Variants in NAA25 observed in about 807,000 individuals in gnomAD.
NAA25 encodes the protein N-terminal acetyltransferase B complex subunit NAA25.
A neutral mutation model predicts 132.5 loss-of-function variants in NAA25; 30 were observed. That is an observed-to-expected ratio of 0.23 (90% CI 0.17 to 0.31). NAA25 has a LOEUF of 0.31. Among genes scored for constraint, NAA25 ranks in the 10% least tolerant of loss-of-function variants. The probability of loss-of-function intolerance (pLI) is 1.00; values close to 1 mark genes in which losing one functional copy is unlikely to be tolerated. For synonymous variants in NAA25, 359 were observed against 401.9 expected, an observed-to-expected ratio of 0.89 and a Z score of 1.28; for missense variants, 771 against 1,150.4, an observed-to-expected ratio of 0.67 and a Z score of 4.77.
intron 3 of NAA25, among the ~76,000 whole-genome samples, chr12:112,089,981 A>G (rs1005114145): frequency 2.2e-4 from 32 of 147,522 alleles, no homozygotes; most frequent in African/African-American, 7.7e-4. Flanking sequence ...ACAGGCGTGC[A>G]CCACCACACC....
At chr12:112,055,298 G>T (rs2078529582) in intron 13 of NAA25, among the ~76,000 whole-genome samples, 1 of 152,130 alleles carries the variant, frequency 6.6e-6, no homozygotes, top group Non-Finnish European at 1.5e-5. Flanking sequence ...AGGAAAATGT[G>T]CAATAATGTT....
chr12:112,070,841 G>C (rs562425497), intron 10 of NAA25, among the ~76,000 whole-genome samples: 1 of 152,318 alleles, frequency 6.6e-6, no homozygotes, highest in South Asian at 2.1e-4. Flanking sequence ...GTACCTCCCA[G>C]GTTCAAGCAA....
At chr12:112,086,778 G>A (rs550528788) in intron 4 of NAA25, among the ~76,000 whole-genome samples, 12 of 152,060 alleles carry the variant, frequency 7.9e-5, no homozygotes, top group Middle Eastern at 3.4e-3. Flanking sequence ...TTGAGAGGCC[G>A]AGGCGGGCAG....
intron 16 of NAA25, 32 bp from the exon 17 acceptor site, chr12:112,047,822 A>C: frequency 6.4e-7 from 1 of 1,562,844 alleles, no homozygotes; most frequent in Non-Finnish European, 8.7e-7. Flanking sequence ...ATATTATTTT[A>C]ATAGTAAAAT....
At chr12:112,045,233 T>C (rs1296184528) in intron 17 of NAA25, among the ~76,000 whole-genome samples, 1 of 152,156 alleles carries the variant, frequency 6.6e-6, no homozygotes, top group Non-Finnish European at 1.5e-5. Context: ...GGCTAACGCC[T>C]GTAATCCCAG....
chr12:112,053,785 C>A, intron 14 of NAA25, 128 bp from the exon 15 acceptor site: 6 of 423,258 alleles, frequency 1.4e-5, no homozygotes, highest in East Asian at 3.8e-5. Context: ...CTAAAACATA[C>A]TCCCACAGAA....
intron 23 of NAA25, among the ~76,000 whole-genome samples, chr12:112,032,245 C>T (rs1389187540): frequency 6.6e-6 from 1 of 152,130 alleles, no homozygotes; most frequent in Non-Finnish European, 1.5e-5. Flanking sequence ...GGATTACAGG[C>T]GTGAGCCACT....
chr12:112,075,957 A>G (rs190601740), intron 7 of NAA25, among the ~76,000 whole-genome samples, 168 bp from the exon 8 acceptor site: 1 of 152,188 alleles, frequency 6.6e-6, no homozygotes, highest in African/African-American at 2.4e-5. Context: ...ATCTTGGCTC[A>G]CTGCAACCTC....
intron 22 of NAA25, among the ~76,000 whole-genome samples, chr12:112,037,115 G>A (rs1443831375): frequency 6.6e-6 from 1 of 151,678 alleles, no homozygotes; most frequent in African/African-American, 2.4e-5. Context: ...CCCTAAAACT[G>A]ATGAGGACAT....
rs1052867205 is a variant in NAA25 at position 112,099,724 on chromosome 12, G to A, written c.59-6588C>T. Among the ~76,000 whole-genome samples, 5 of 152,198 alleles carry A rather than the reference G, an allele frequency of 3.3e-5. No homozygotes were observed. In the East Asian group the frequency reaches 9.6e-4, roughly 29 times the overall value. On this transcript the variant is annotated intron_variant, in intron 1 of 23. Transcript: ENST00000261745. ...AGGCCTGCTGTCCACATGCCCTGGAGAAGAGGTCCTGGGATTTGTTCATCC... is the reference window on the plus strand; with the variant it reads ...AGGCCTGCTGTCCACATGCCCTGGAAAAGAGGTCCTGGGATTTGTTCATCC...
intron 11 of NAA25, among the ~76,000 whole-genome samples, chr12:112,064,731 C>T (rs1014702975): frequency 6.6e-6 from 1 of 152,096 alleles, no homozygotes; most frequent in African/African-American, 2.4e-5. Context: ...CAAAAAATTT[C>T]TTTAAAAACT....
intron 15 of NAA25, 96 bp from the exon 16 acceptor site, chr12:112,048,539 T>A: frequency 9.5e-7 from 1 of 1,047,820 alleles, no homozygotes; most frequent in South Asian, 1.5e-5. Context: ...AAACTAAAAT[T>A]AAGTTTTAAA....
At chr12:112,087,825 T>A in intron 3 of NAA25, 24 bp from the exon 4 acceptor site, 1 of 1,444,288 alleles carries the variant, frequency 6.9e-7, no homozygotes, top group Non-Finnish European at 9.7e-7. Flanking sequence ...AAATAAGATT[T>A]AAGTTATACT....
chr12:112,104,973 C>T lies in NAA25; in HGVS notation c.58+3743G>A, dbSNP rs567527465. ...CAGAGGTTGCAGTGAGCCAAGATCGCGCCACTGCATTCCAGCCTGGGTGAC... is the reference window on the plus strand; with the variant it reads ...CAGAGGTTGCAGTGAGCCAAGATCGTGCCACTGCATTCCAGCCTGGGTGAC... On this transcript the variant is annotated intron_variant, in intron 1 of 23. Coordinates refer to ENST00000261745, the MANE Select transcript of NAA25 (RefSeq NM_024953.4). Among the ~76,000 whole-genome samples the T allele has an allele frequency of 5.9e-5, 9 of 151,876 alleles. No individual in the cohort carries two copies. The South Asian group carries it at 8.3e-4, about 14-fold the overall frequency.
At chr12:112,092,324 G>GA (rs1433286890) in intron 2 of NAA25, among the ~76,000 whole-genome samples, 1 of 151,722 alleles carries the variant, frequency 6.6e-6, no homozygotes, top group Non-Finnish European at 1.5e-5. Flanking sequence ...AAAGTACCGA[G>GA]AAAAAAACAC....
chr12:112,084,909 C>T (rs1172369039), intron 4 of NAA25, among the ~76,000 whole-genome samples: 1 of 151,572 alleles, frequency 6.6e-6, no homozygotes, highest in African/African-American at 2.4e-5. Context: ...CCAGCCCGGC[C>T]AACATGGTGA....
rs889337767 is a variant in NAA25 at position 112,026,783 on chromosome 12, C to A, written c.*2748G>T. On this transcript the variant is annotated 3_prime_UTR_variant, in exon 24 of 24. Coordinates refer to ENST00000261745, the MANE Select transcript of NAA25 (RefSeq NM_024953.4). ...CTTACTTAAGGAAGAATATATACTT[C>A]CTATATTAATAAATCACATCAAATA... 6.6e-6 allele frequency: 1 copy of A among 152,130 alleles called. No homozygotes were observed. Among genetic ancestry groups the A allele is most frequent in the Admixed American group, 6.5e-5 (1 of 15,276 alleles). 9.4% of individuals were successfully genotyped at this position (152,130 alleles called of 1,614,324 possible). A position where few individuals can be genotyped will look rare whatever the true frequency, so the allele number is the denominator to read the frequency against.
chr12:112,081,448 A>C (rs935356960), intron 4 of NAA25, among the ~76,000 whole-genome samples: 2 of 152,242 alleles, frequency 1.3e-5, no homozygotes, highest in Non-Finnish European at 2.9e-5. Context: ...GTAAGTGTAC[A>C]TCAATAAACT....
At chr12:112,054,983 A>G (rs1381327805) in intron 13 of NAA25, among the ~76,000 whole-genome samples, 3 of 152,218 alleles carry the variant, frequency 2.0e-5, no homozygotes, top group African/African-American at 4.8e-5. Flanking sequence ...TAACTCTACT[A>G]ACAGAATGGC....
Sources: allele counts gnomAD v4.1 joint callset (sites outside exome capture counted in the v4.1 genomes callset), GRCh38; gene constraint gnomAD v4.1.1; transcripts MANE v1.5; gene names NCBI Gene and HGNC (gene_info 2026-07-23, HGNC 2026-07-21).